SSBP2: variants seen among roughly 807,000 people sequenced by gnomAD.
SSBP2 encodes the protein single-stranded DNA-binding protein 2.
In SSBP2, 17 loss-of-function variants were observed where a neutral mutation model predicts 61.8. The observed-to-expected ratio is 0.28, with a 90% confidence interval of 0.19 to 0.41. The LOEUF (loss-of-function observed/expected upper bound fraction) is 0.41, where lower values mean the gene tolerates loss of function less well. Ranked by LOEUF, SSBP2 falls within the 10% of genes least tolerant of loss-of-function variation. The probability of loss-of-function intolerance (pLI) is 1.00; values close to 1 mark genes in which losing one functional copy is unlikely to be tolerated. For synonymous variants in SSBP2, 139 were observed against 141.3 expected, an observed-to-expected ratio of 0.98 and a Z score of 0.12; for missense variants, 310 against 458.7, an observed-to-expected ratio of 0.68 and a Z score of 2.96.
chr5:81,443,283 T>A (rs1357551728), intron 12 of SSBP2: 1 of 152,162 alleles, frequency 6.6e-6, no homozygotes. Context: ...CAACTTCTGA[T>A]GAAATGTTTT....
intron 1 of SSBP2, among the ~76,000 whole-genome samples, chr5:81,703,566 A>G (rs1754148960): frequency 6.6e-6 from 1 of 152,096 alleles, no homozygotes; most frequent in African/African-American, 2.4e-5. Context: ...TAATAATAAT[A>G]AAATTTAAAA....
At chr5:81,457,069 G>C (rs1764214761) in intron 10 of SSBP2, among the ~76,000 whole-genome samples, 1 of 152,164 alleles carries the variant, frequency 6.6e-6, no homozygotes, top group African/African-American at 2.4e-5. Flanking sequence ...CCTAAAAGTT[G>C]TATTACTCTA....
intron 1 of SSBP2, among the ~76,000 whole-genome samples, chr5:81,656,498 G>T (rs1435400774): frequency 6.6e-6 from 1 of 152,066 alleles, no homozygotes; most frequent in Non-Finnish European, 1.5e-5. Flanking sequence ...GTTTCTGGGG[G>T]AACAGGTGGT....
intron 4 of SSBP2, among the ~76,000 whole-genome samples, chr5:81,578,617 T>TA (rs991155122): frequency 1.5e-4 from 22 of 151,222 alleles, no homozygotes; most frequent in African/African-American, 3.2e-4. Context: ...AGAAAATTGA[T>TA]AAAAAAGATA....
intron 15 of SSBP2, 142 bp from the exon 16 acceptor site, chr5:81,428,825 A>G (rs1762114007): frequency 5.4e-6 from 3 of 554,800 alleles, no homozygotes; most frequent in Non-Finnish European, 9.4e-6. Flanking sequence ...CATGTATTCT[A>G]TTTCATTCTT....
intron 1 of SSBP2, among the ~76,000 whole-genome samples, chr5:81,698,332 T>C (rs1189504053): frequency 3.3e-5 from 5 of 152,264 alleles, no homozygotes; most frequent in Admixed American, 3.3e-4. Flanking sequence ...TTTATCTGAA[T>C]GTTCTACCTA....
At chr5:81,542,649 G>A (rs925279812) in intron 4 of SSBP2, among the ~76,000 whole-genome samples, 1 of 151,790 alleles carries the variant, frequency 6.6e-6, no homozygotes, top group African/African-American at 2.4e-5. Flanking sequence ...ATGGTTTGGT[G>A]CTGTGTCCTC....
rs1205725455 is a variant in SSBP2 at position 81,538,526 on chromosome 5, G to GA, written c.283-24810dup. 2.0e-5 allele frequency among the ~76,000 whole-genome samples: 3 copies of GA among 152,016 alleles called. No homozygotes were observed. In the East Asian group the frequency reaches 5.8e-4, roughly 29 times the overall value. The stretch of plus-strand genomic sequence containing the variant: ...CAAACAACAGATTTTCAGTGTAGAT[G>GA]AAACAGCCTTCTATTGAAAGATGCC... On this transcript the variant is annotated intron_variant, in intron 4 of 16. Coordinates refer to ENST00000320672, the MANE Select transcript of SSBP2 (RefSeq NM_012446.5).
chr5:81,481,614 A>G (rs1024909478), intron 6 of SSBP2, among the ~76,000 whole-genome samples: 10 of 134,578 alleles, frequency 7.4e-5, no homozygotes, highest in African/African-American at 3.0e-4. Flanking sequence ...GAGTGAAACT[A>G]CATCTAAAAA....
At chr5:81,683,770 G>A (rs1752574230) in intron 1 of SSBP2, among the ~76,000 whole-genome samples, 1 of 152,048 alleles carries the variant, frequency 6.6e-6, no homozygotes, top group South Asian at 2.1e-4. Context: ...AAAACAACAA[G>A]AAAATGAACA....
upstream of SSBP2, chr5:81,751,237 G>C: frequency 1.7e-6 from 1 of 604,552 alleles, no homozygotes; most frequent in Admixed American, 2.9e-5. Flanking sequence ...TCCGAAGCGC[G>C]CGGTGGCGGC....
At chr5:81,446,718 A>T in intron 12 of SSBP2, 150 bp downstream of exon 12, 1 of 673,986 alleles carries the variant, frequency 1.5e-6, no homozygotes, top group Non-Finnish European at 2.3e-6. Flanking sequence ...CTTATTTAAG[A>T]ACACTATATT....
intron 8 of SSBP2, among the ~76,000 whole-genome samples, chr5:81,471,628 T>A (rs1011667050): frequency 1.3e-5 from 2 of 152,018 alleles, no homozygotes; most frequent in Non-Finnish European, 2.9e-5. Context: ...GGTTAACATG[T>A]ATCATCATTC....
At chr5:81,529,617 T>C (rs558580924) in intron 4 of SSBP2, among the ~76,000 whole-genome samples, 59 of 152,242 alleles carry the variant, frequency 3.9e-4, no homozygotes, top group African/African-American at 1.3e-3. Context: ...TTTAATTTCA[T>C]GGGAGACAGT....
At chr5:81,449,458 A>G (rs185450483) in intron 10 of SSBP2, among the ~76,000 whole-genome samples, 270 of 152,312 alleles carry the variant, frequency 1.8e-3, no homozygotes, top group African/African-American at 6.2e-3. Context: ...CTTTTTTCAC[A>G]CAAGCTTACT....
chr5:81,705,376 A>C (rs779253260), intron 1 of SSBP2, among the ~76,000 whole-genome samples: 20 of 152,212 alleles, frequency 1.3e-4, no homozygotes, highest in Non-Finnish European at 2.4e-4. Flanking sequence ...AGTGATAAGT[A>C]GCAAACCAAG....
At chr5:81,585,308 T>C (rs1437823683) in intron 4 of SSBP2, among the ~76,000 whole-genome samples, 1 of 152,098 alleles carries the variant, frequency 6.6e-6, no homozygotes, top group Non-Finnish European at 1.5e-5. Context: ...AGTCTCCTCC[T>C]GAAAGCGTTC....
chr5:81,451,341 A>C (rs141951412), intron 10 of SSBP2, among the ~76,000 whole-genome samples: 19 of 152,248 alleles, frequency 1.2e-4, no homozygotes, highest in African/African-American at 4.6e-4. Flanking sequence ...GGAAAAAAAA[A>C]AACTTTGTTT....
chr5:81,485,138 C>G (rs1434333485), intron 6 of SSBP2, among the ~76,000 whole-genome samples: 1 of 152,074 alleles, frequency 6.6e-6, no homozygotes, highest in Non-Finnish European at 1.5e-5. Context: ...TTCCAGGTTA[C>G]AGATGCTTCA....
Sources: allele counts gnomAD v4.1 joint callset (sites outside exome capture counted in the v4.1 genomes callset), GRCh38; gene constraint gnomAD v4.1.1; transcripts MANE v1.5; gene names NCBI Gene and HGNC (gene_info 2026-07-23, HGNC 2026-07-21).